PTPN21: variants seen among roughly 807,000 people sequenced by gnomAD.
The protein encoded by PTPN21 is protein tyrosine phosphatase non-receptor type 21, also known as tyrosine-protein phosphatase non-receptor type 21.
Under a neutral mutation model 131.8 loss-of-function variants are expected in PTPN21, and 77 were observed. That is an observed-to-expected ratio of 0.58 (90% confidence interval 0.49 to 0.71). The LOEUF is 0.71. PTPN21 is among the 30% of genes least tolerant of loss of function. The pLI is 0.00. For missense variants in PTPN21, 1,552 were observed against 1,527.1 expected, an observed-to-expected ratio of 1.02 and a Z score of -0.27; for synonymous variants, 715 against 621.3, an observed-to-expected ratio of 1.15 and a Z score of -2.24.
At position 88,479,144 on chromosome 14, in the gene PTPN21, G is replaced by A; in HGVS notation, c.2287C>T (p.His763Tyr). The A allele has an allele frequency of 6.4e-7, 1 of 1,551,884 alleles. No individual in the cohort carries two copies. The highest frequency in any genetic ancestry group is 8.7e-7 in the Non-Finnish European group (1 of 1,151,506). ...GPLHILEPKAHVPDAEKRMMD... is the reference protein window; with the variant it reads ...GPLHILEPKAYVPDAEKRMMD... ...ATCCTCTTCTCCGCGTCTGGGACGT[G>A]GGCCTTGGGCTCCAGGATGTGCAGG... The change falls in exon 13 of 19, where the codon CAC (histidine) becomes TAC (tyrosine). Residue 763 changes from histidine (H) to tyrosine (Y), a missense_variant. By Grantham distance (83) the His-to-Tyr change is moderately conservative (BLOSUM62 2). Around this residue, in one of 4 missense-constraint regions of PTPN21, gnomAD observed 1,016 missense variants for 883.5 expected, o/e 1.15. Coordinates refer to ENST00000556564, the MANE Select transcript of PTPN21 (RefSeq NM_007039.4).
At chr14:88,471,384 AATC>A (rs1402637526) in intron 15 of PTPN21, among the ~76,000 whole-genome samples, 3 of 152,340 alleles carry the variant, frequency 2.0e-5, no homozygotes, top group Middle Eastern at 3.4e-3. Flanking sequence ...ATGTGTTGTG[AATC>A]ATCATTTTGT....
In PTPN21 at chr14:88,550,306, T is replaced by C. The variant is rs1342572847; in HGVS notation, c.112A>G (p.Thr38Ala). The C allele has an allele frequency of 1.2e-6, 2 of 1,614,114 alleles. No individual in the cohort carries two copies. The highest frequency in any genetic ancestry group is 2.7e-5 in the African/African-American group (2 of 75,028). ...TGGCCAGTGCTCTCCACGGACAGGGTGAACTCCACAAACTCGTTATTAAGC... is the reference window on the plus strand; with the variant it reads ...TGGCCAGTGCTCTCCACGGACAGGGCGAACTCCACAAACTCGTTATTAAGC... The part of the protein sequence containing the change: ...QLLNNEFVEF[T>A]LSVESTGQES... Residue 38 changes from threonine to alanine, a missense_variant, in exon 2 of 19, where the codon ACC becomes GCC. Physicochemically the swap from Thr to Ala is moderately conservative, Grantham distance 58. Around this residue, in one of 4 missense-constraint regions of PTPN21, gnomAD observed 206 missense variants for 221.6 expected, o/e 0.93. Coordinates refer to ENST00000556564, the MANE Select transcript of PTPN21 (RefSeq NM_007039.4).
In PTPN21 at chr14:88,479,875, T is replaced by C; in HGVS notation, c.1556A>G (p.His519Arg). The change falls in exon 13 of 19, where the codon CAC (histidine) becomes CGC (arginine). Residue 519 changes from histidine (H) to arginine (R), a missense_variant. His to Arg is a conservative substitution (Grantham distance 29). Transcript: ENST00000556564. ...AGGGTAGGGGTAGGGAGACGGGCTG[T>C]GGAAGCTGTAGCTCAGGCTGAACGG... ...HCPFSLSYSFHSPSPYPYPAE... is the reference protein window; with the variant it reads ...HCPFSLSYSFRSPSPYPYPAE... 6.3e-7 allele frequency: 1 copy of C among 1,580,828 alleles called. No homozygotes were observed. Among genetic ancestry groups the C allele is most frequent in the African/African-American group, 1.3e-5 (1 of 74,764 alleles).
At chr14:88,539,647 A>T (rs960885864) in intron 2 of PTPN21, among the ~76,000 whole-genome samples, 7 of 152,190 alleles carry the variant, frequency 4.6e-5, no homozygotes, top group Non-Finnish European at 7.4e-5. Flanking sequence ...AAAGCAGTAT[A>T]TTGAGAGAAA....
intron 2 of PTPN21, among the ~76,000 whole-genome samples, chr14:88,548,329 C>G (rs773543433): frequency 8.5e-5 from 13 of 152,212 alleles, no homozygotes; most frequent in Non-Finnish European, 1.6e-4. Context: ...GTGGCCCTTA[C>G]AGTCGGCCTT....
At chr14:88,490,069 T>C (rs2077800223) in intron 10 of PTPN21, among the ~76,000 whole-genome samples, 1 of 150,604 alleles carries the variant, frequency 6.6e-6, no homozygotes. Context: ...AATGCAGTGG[T>C]GCGATCCTGG....
chr14:88,498,133 A>T (rs935021892), intron 8 of PTPN21, among the ~76,000 whole-genome samples: 3 of 149,168 alleles, frequency 2.0e-5, no homozygotes, highest in Non-Finnish European at 4.5e-5. Flanking sequence ...AAACTAGGCC[A>T]GGCGAGGTGG....
intron 9 of PTPN21, 43 bp from the exon 10 acceptor site, chr14:88,496,535 A>G (rs2077920197): frequency 1.4e-6 from 2 of 1,399,080 alleles, no homozygotes; most frequent in Non-Finnish European, 2.0e-6. Flanking sequence ...AAGCACACAT[A>G]CAACTTGATA....
chr14:88,517,667 C>CAGGTGTAT (rs2078296327), intron 2 of PTPN21, among the ~76,000 whole-genome samples: 1 of 5,840 alleles, frequency 1.7e-4, no homozygotes, highest in Non-Finnish European at 1.3e-3. Context: ...TATACACATA[C>CAGGTGTAT]ACACACATAT....
intron 4 of PTPN21, among the ~76,000 whole-genome samples, chr14:88,506,701 G>C (rs989232876): frequency 6.6e-6 from 1 of 152,134 alleles, no homozygotes; most frequent in Non-Finnish European, 1.5e-5. Context: ...ACACTGCTCA[G>C]GTGATGGGTA....
chr14:88,474,792 C>T, intron 13 of PTPN21, among the ~76,000 whole-genome samples: 1 of 152,260 alleles, frequency 6.6e-6, no homozygotes, highest in East Asian at 1.9e-4. Flanking sequence ...GCATGATTTT[C>T]CTCTCTGAGA....
At chr14:88,494,478 G>A (rs2077874104) in intron 10 of PTPN21, among the ~76,000 whole-genome samples, 1 of 151,896 alleles carries the variant, frequency 6.6e-6, no homozygotes, top group Admixed American at 6.6e-5. Flanking sequence ...GACCGGTGTG[G>A]GTAACATAAG....
chr14:88,497,403 T>A (rs2077936238), intron 8 of PTPN21, 113 bp from the exon 9 acceptor site: 1 of 846,972 alleles, frequency 1.2e-6, no homozygotes, highest in Non-Finnish European at 1.9e-6. Context: ...TTGGTAACAT[T>A]TTTGAGAAAA....
At chr14:88,497,390 C>T (rs995816004) in intron 8 of PTPN21, 100 bp from the exon 9 acceptor site, 19 of 889,776 alleles carry the variant, frequency 2.1e-5, no homozygotes, top group Non-Finnish European at 3.2e-5. Context: ...TGTAAGTTAG[C>T]ATTTGGTAAC....
chr14:88,472,174 C>T, intron 15 of PTPN21, 70 bp downstream of exon 15: 7 of 877,194 alleles, frequency 8.0e-6, no homozygotes, highest in Non-Finnish European at 1.1e-5. Flanking sequence ...GACATGAATA[C>T]AATTCTTACC....
intron 2 of PTPN21, among the ~76,000 whole-genome samples, chr14:88,517,857 A>G (rs1332691461): frequency 2.0e-5 from 3 of 146,762 alleles, no homozygotes; most frequent in African/African-American, 7.5e-5. Flanking sequence ...TATGGTATAT[A>G]TATGTGTATA....
intron 10 of PTPN21, among the ~76,000 whole-genome samples, chr14:88,488,848 A>C (rs1355359376): frequency 6.6e-6 from 1 of 152,032 alleles, no homozygotes; most frequent in Admixed American, 6.6e-5. Context: ...AAAAAGAAAA[A>C]AGTCTACCAG....
chr14:88,547,638 G>A (rs188095631), intron 2 of PTPN21: 1 of 455,638 alleles, frequency 2.2e-6, no homozygotes, highest in African/African-American at 2.0e-5. Flanking sequence ...GGGTGATGGA[G>A]TGAGACCTCA....
chr14:88,540,152 C>T (rs1195639542), intron 2 of PTPN21, among the ~76,000 whole-genome samples: 1 of 152,190 alleles, frequency 6.6e-6, no homozygotes, highest in Non-Finnish European at 1.5e-5. Context: ...TATTATCCCT[C>T]AGTGTATTAT....
Sources: allele counts gnomAD v4.1 joint callset (sites outside exome capture counted in the v4.1 genomes callset), GRCh38; gene constraint gnomAD v4.1.1; regional missense constraint gnomAD v4.1.1; transcripts MANE v1.5; gene names NCBI Gene and HGNC (gene_info 2026-07-23, HGNC 2026-07-21).